C2: variants seen among roughly 807,000 people sequenced by gnomAD.
The protein encoded by C2 is C3/C5 convertase.
Under a neutral mutation model 85.2 loss-of-function variants are expected in C2, and 64 were observed. The ratio of observed to expected loss-of-function variants is 0.75; its 90% CI spans 0.61 to 0.92. The LOEUF (loss-of-function observed/expected upper bound fraction) is 0.92, where lower values mean the gene tolerates loss of function less well. Among genes scored for constraint, C2 ranks in the 40% least tolerant of loss-of-function variants. The probability of loss-of-function intolerance (pLI) is 0.00; values close to 1 mark genes in which losing one functional copy is unlikely to be tolerated. For missense variants in C2, 820 were observed against 971.6 expected (o/e 0.84, Z 2.07); for synonymous variants, 311 against 370.8 (o/e 0.84, Z 1.85).
At chr6:31,901,385 C>T in intron 1 of C2, 1 of 1,442,794 alleles carries the variant, frequency 6.9e-7, no homozygotes, top group South Asian at 1.4e-5. Flanking sequence ...GCCAAGGCTC[C>T]AGGACCCTCG....
At chr6:31,934,489 TG>T (rs1770248073) in intron 6 of C2, 190 bp downstream of exon 6, 7 of 1,194,124 alleles carry the variant, frequency 5.9e-6, no homozygotes, top group Middle Eastern at 3.7e-4. Flanking sequence ...CAAGCACTGT[TG>T]GGACACTGTG....
rs1277867187 is a variant in C2, at chr6:31,922,021, A to ATACCAT, written c.-100+1995_-100+1996insTACCAT. The stretch of plus-strand genomic sequence containing the variant: ...CAGAGTTATCCCATGGTCCAGGGTG[A>ATACCAT]GGGAGCCCAGTATTTATACCAATCA... On this transcript the variant is annotated intron_variant, in intron 1 of 3. Transcript: ENST00000413154. The surrounding 1 kb of genome is among the most constrained non-coding windows in gnomAD (Gnocchi z 4.8). Among the ~76,000 whole-genome samples the ATACCAT allele has an allele frequency of 1.3e-5, 2 of 152,158 alleles. No homozygotes were observed. The highest frequency in any genetic ancestry group is 2.9e-5 in the Non-Finnish European group (2 of 68,028).
At chr6:31,897,810 A>G (rs1036055805), upstream of C2, 2 of 1,004,186 alleles carry the variant, frequency 2.0e-6, no homozygotes, top group Non-Finnish European at 2.4e-6. Flanking sequence ...GCGGCCTCGG[A>G]GATGGCTGTG....
upstream of C2, chr6:31,897,975 T>C: frequency 4.2e-6 from 4 of 952,274 alleles, no homozygotes; most frequent in Non-Finnish European, 5.1e-6. Flanking sequence ...TTCTCGGCTC[T>C]CGGCAGCGGC....
upstream of C2, chr6:31,900,948 G>T (rs767090863): frequency 6.2e-7 from 1 of 1,614,174 alleles, no homozygotes; most frequent in Admixed American, 1.7e-5. This position sits in a 1 kb window ranked among gnomAD's most constrained non-coding sequence, Gnocchi z 9.7. Flanking sequence ...AGGGCATTCC[G>T]GCATTTCTCC....
chr6:31,937,355 C>T lies in C2; in HGVS notation c.1025C>T (p.Ala342Val), dbSNP rs765550448. Residue 342 changes from alanine (A) to valine (V), a missense_variant, in exon 8 of 18, where the codon GCC becomes GTC. Coordinates refer to ENST00000299367, the MANE Select transcript of C2 (RefSeq NM_000063.6). The stretch of plus-strand genomic sequence containing the variant: ...GGAACTGGGACTAACACCTATGCGG[C>T]CTTAAACAGTGTCTATCTCATGATG... ...ENGTGTNTYA[A>V]LNSVYLMMNN... is the part of the protein sequence containing the mutation. 6.2e-7 allele frequency: 1 copy of T among 1,612,806 alleles called. No individual in the cohort carries two copies. The highest frequency in any genetic ancestry group is 2.2e-5 in the East Asian group (1 of 44,838).
chr6:31,900,694 G>A (rs777191362), upstream of C2: 1 of 1,610,084 alleles, frequency 6.2e-7, no homozygotes, highest in Non-Finnish European at 8.5e-7. The surrounding 1 kb of genome is among the most constrained non-coding windows in gnomAD (Gnocchi z 9.7). Context: ...TGTCAGACAC[G>A]TCCTCATCCT....
At position 31,943,720 on chromosome 6, in the gene C2, C is replaced by T. The variant is rs1278626139; in HGVS notation, c.1644C>T (p.Ala548=). Residue 548 remains alanine, a synonymous_variant, in exon 13 of 18, where the codon GCC becomes GCT. Transcript: ENST00000299367. This position sits in a 1 kb window ranked among gnomAD's most constrained non-coding sequence, Gnocchi z 6.4. The part of the protein sequence containing the change: ...AVISPGFDVF[A]KKNQGILEFY... ...TCTCCCCAGGGTTTGATGTCTTTGC[C>T]AAAAAGAACCAGGGAATCCTGGAGT... 1.9e-6 allele frequency: 3 copies of T among 1,612,988 alleles called. No homozygotes were observed. Among genetic ancestry groups the T allele is most frequent in the Admixed American group, 3.3e-5 (2 of 60,024 alleles).
In C2 at chr6:31,928,803, G is replaced by A; in HGVS notation, c.328G>A (p.Gly110Ser). Reference protein sequence around the residue: ...YTPRLGSYPVGGNVSFECEDG... With the variant: ...YTPRLGSYPVSGNVSFECEDG... Reference sequence around the variant, plus strand: ...CCCACGGCTGGGGTCCTATCCCGTGGGTGGCAATGTGAGCTTCGAGTGTGA... The same window carrying A: ...CCCACGGCTGGGGTCCTATCCCGTGAGTGGCAATGTGAGCTTCGAGTGTGA... Residue 110 changes from glycine (G) to serine (S), a missense_variant, in exon 3 of 18, where the codon GGT (glycine) becomes AGT (serine). Coordinates refer to ENST00000299367, the MANE Select transcript of C2 (RefSeq NM_000063.6). 1 of 1,614,200 alleles carries A rather than the reference G, an allele frequency of 6.2e-7. No individual in the cohort carries two copies. The highest frequency in any genetic ancestry group is 8.5e-7 in the Non-Finnish European group (1 of 1,180,030).
chr6:31,943,518 G>C lies in C2; in HGVS notation c.1558G>C (p.Val520Leu), dbSNP rs1250861290. 1 of 1,612,788 alleles carries C rather than the reference G, an allele frequency of 6.2e-7. No homozygotes were observed. Among genetic ancestry groups the C allele is most frequent in the East Asian group, 2.2e-5 (1 of 44,884 alleles). ...TGGCAACGACCACTCCCTGTGGAGG[G>C]TCAATGTGGGTAAGGCAGGGGATGC... ...RDGNDHSLWR[V>L]NVGDPKSQWG... is the part of the protein sequence containing the mutation. The change falls in exon 12 of 18, where the codon GTC (valine) becomes CTC (leucine). Residue 520 changes from valine (V) to leucine (L), a missense_variant. Coordinates refer to ENST00000299367, the MANE Select transcript of C2 (RefSeq NM_000063.6). The surrounding 1 kb of genome is among the most constrained non-coding windows in gnomAD (Gnocchi z 6.4).
chr6:31,900,348 G>A (rs1158654189), upstream of C2: 5 of 1,607,342 alleles, frequency 3.1e-6, no homozygotes, highest in Non-Finnish European at 4.2e-6. This position sits in a 1 kb window ranked among gnomAD's most constrained non-coding sequence, Gnocchi z 9.7. Flanking sequence ...CCCCCAGGCA[G>A]GGGTCCCCGG....
chr6:31,901,415 C>T, intron 1 of C2: 1 of 1,205,114 alleles, frequency 8.3e-7, no homozygotes, highest in South Asian at 1.6e-5. Flanking sequence ...TTGCCCAGCC[C>T]CCCGGCATCC....
rs1480970904 is a variant in C2 at position 31,942,976 on chromosome 6, G to T, written c.1237G>T (p.Val413Leu). 1 of 1,612,992 alleles carries T rather than the reference G, an allele frequency of 6.2e-7. No individual in the cohort carries two copies. The highest frequency in any genetic ancestry group is 8.5e-7 in the Non-Finnish European group (1 of 1,180,058). ...CCCACCAGACATCTATGCCATCGGG[G>T]TGGGCAAGCTGGATGTGGACTGGAG... The part of the protein sequence containing the change: ...NDYLDIYAIG[V>L]GKLDVDWREL... Residue 413 changes from valine to leucine, a missense_variant, in exon 10 of 18, where the codon GTG becomes TTG. Transcript: ENST00000299367.
Position 31,933,732 on chromosome 6 carries a change from C to G in C2, c.565C>G (p.Arg189Gly). The G allele has an allele frequency of 6.2e-7, 1 of 1,613,484 alleles. No individual in the cohort carries two copies. The highest frequency in any genetic ancestry group is 2.2e-5 in the East Asian group (1 of 44,892). Residue 189 changes from arginine to glycine, a missense_variant, in exon 4 of 18, where the codon CGG (arginine) becomes GGG (glycine). Arg to Gly is a moderately radical substitution (Grantham distance 125). Coordinates refer to ENST00000299367, the MANE Select transcript of C2 (RefSeq NM_000063.6). ...TCTTGTGCTCACGGGGTCTTCGGAGCGGGAGTGCCAGGGCAACGGGGTCTG... is the reference window on the plus strand; with the variant it reads ...TCTTGTGCTCACGGGGTCTTCGGAGGGGGAGTGCCAGGGCAACGGGGTCTG... ...SNLVLTGSSE[R>G]ECQGNGVWSG...
chr6:31,907,140 T>TAA (rs3037250), intron 1 of C2, among the ~76,000 whole-genome samples: 10,850 of 139,564 alleles, frequency 0.078, 471 homozygotes, highest in South Asian at 0.12. Context: ...AACTCTGTCT[T>TAA]AAAAAAAAAA....
chr6:31,918,961 A>G (rs1562569621), upstream of C2, among the ~76,000 whole-genome samples: 1 of 151,786 alleles, frequency 6.6e-6, no homozygotes, highest in African/African-American at 2.4e-5. Context: ...ACCGTCTATG[A>G]ACCGAGACCG....
chr6:31,900,580 G>A, upstream of C2: 1 of 1,612,302 alleles, frequency 6.2e-7, no homozygotes, highest in Non-Finnish European at 8.5e-7. This position sits in a 1 kb window ranked among gnomAD's most constrained non-coding sequence, Gnocchi z 9.7. Context: ...GCTCCCCAAG[G>A]TGGCCACCCA....
chr6:31,917,414 T>C (rs1448069929), upstream of C2, among the ~76,000 whole-genome samples: 5 of 152,026 alleles, frequency 3.3e-5, no homozygotes, highest in Non-Finnish European at 7.4e-5. Flanking sequence ...TTCTCACTTA[T>C]AACGGAACTA....
intron 1 of C2, among the ~76,000 whole-genome samples, chr6:31,903,952 C>T (rs1478523796): frequency 6.6e-6 from 1 of 151,870 alleles, no homozygotes; most frequent in Non-Finnish European, 1.5e-5. Flanking sequence ...TTGTGTCAGA[C>T]GCACCTAGGC....
Sources: gnomAD v4.1 joint callset for allele counts (sites outside exome capture counted in the v4.1 genomes callset) on GRCh38, gnomAD v4.1.1 for gene constraint, Gnocchi (gnomAD v3.1) non-coding constraint, MANE v1.5 for transcripts, NCBI Gene and HGNC (gene_info 2026-07-23, HGNC 2026-07-21) for gene names.